CERS6: variants seen among roughly 807,000 people sequenced by gnomAD.
CERS6 encodes the protein ceramide synthase 6.
CERS6 carries 26 observed loss-of-function variants against 56.8 expected under a neutral mutation model. The ratio of observed to expected loss-of-function variants is 0.46; its 90% CI spans 0.34 to 0.63. CERS6 has a LOEUF of 0.63. Ranked by LOEUF, CERS6 falls within the 30% of genes least tolerant of loss-of-function variation. The pLI is 0.01. For missense variants in CERS6, 415 were observed against 467.5 expected (o/e 0.89, Z 1.04); for synonymous variants, 164 against 173.3 (o/e 0.95, Z 0.42).
At chr2:168,564,912 C>G (rs1186241649) in intron 3 of CERS6, among the ~76,000 whole-genome samples, 4 of 152,198 alleles carry the variant, frequency 2.6e-5, no homozygotes, top group Non-Finnish European at 4.4e-5. Context: ...CTTGTTCTTT[C>G]ATTTCTCAAC....
At chr2:168,630,543 G>A (rs1684691249) in intron 3 of CERS6, among the ~76,000 whole-genome samples, 1 of 152,078 alleles carries the variant, frequency 6.6e-6, no homozygotes, top group Admixed American at 6.6e-5. Flanking sequence ...GTTGTTAAAA[G>A]ACAAAGTGAA....
At chr2:168,762,705 T>C (rs1437775783) in intron 8 of CERS6, among the ~76,000 whole-genome samples, 1 of 152,222 alleles carries the variant, frequency 6.6e-6, no homozygotes, top group Non-Finnish European at 1.5e-5. Flanking sequence ...AACTCTATCC[T>C]ATTGTTTTTA....
At chr2:168,568,618 T>C (rs1395915568) in intron 3 of CERS6, among the ~76,000 whole-genome samples, 1 of 152,238 alleles carries the variant, frequency 6.6e-6, no homozygotes, top group African/African-American at 2.4e-5. Context: ...TTACACATCA[T>C]GTGTGTCTGT....
intron 2 of CERS6, among the ~76,000 whole-genome samples, chr2:168,549,275 A>G (rs779469789): frequency 1.3e-4 from 20 of 152,058 alleles, no homozygotes; most frequent in Non-Finnish European, 2.8e-4. Flanking sequence ...TGTTTTTTAC[A>G]GTTACTGGAG....
intron 1 of CERS6, among the ~76,000 whole-genome samples, chr2:168,479,969 T>G (rs779586774): frequency 6.6e-6 from 1 of 152,212 alleles, no homozygotes; most frequent in Non-Finnish European, 1.5e-5. Flanking sequence ...ACATTTGAAT[T>G]CTTCCACCAC....
chr2:168,563,463 A>G (rs1054014945), intron 3 of CERS6, among the ~76,000 whole-genome samples: 6 of 152,208 alleles, frequency 3.9e-5, no homozygotes, highest in Non-Finnish European at 7.3e-5. Flanking sequence ...ATAAGACATA[A>G]TATCTGAGTA....
At chr2:168,717,658 T>C (rs879606586) in intron 7 of CERS6, among the ~76,000 whole-genome samples, 4 of 152,178 alleles carry the variant, frequency 2.6e-5, no homozygotes, top group Non-Finnish European at 5.9e-5. Context: ...GGAATTCTAC[T>C]TATGGCTAAT....
chr2:168,512,329 C>T (rs1350879835), intron 1 of CERS6, among the ~76,000 whole-genome samples: 1 of 151,972 alleles, frequency 6.6e-6, no homozygotes, highest in African/African-American at 2.4e-5. Context: ...ATGGTTAATA[C>T]AGTAAATTTT....
chr2:168,637,093 C>T (rs1175668959), intron 4 of CERS6, among the ~76,000 whole-genome samples: 3 of 152,160 alleles, frequency 2.0e-5, no homozygotes, highest in African/African-American at 4.8e-5. Context: ...GAGCTGGTCC[C>T]ACCTCCTTGG....
chr2:168,708,875 C>T (rs1687022301), intron 6 of CERS6, among the ~76,000 whole-genome samples: 1 of 152,016 alleles, frequency 6.6e-6, no homozygotes, highest in Non-Finnish European at 1.5e-5. Flanking sequence ...TATTATCCAG[C>T]CAATGAGAAT....
intron 1 of CERS6, among the ~76,000 whole-genome samples, chr2:168,503,976 A>G (rs1694631631): frequency 6.6e-6 from 1 of 152,204 alleles, no homozygotes; most frequent in Non-Finnish European, 1.5e-5. Flanking sequence ...TTTAAGCCTA[A>G]AGGGGTTAAT....
chr2:168,512,187 A>T (rs1694801067), intron 1 of CERS6, among the ~76,000 whole-genome samples: 1 of 152,158 alleles, frequency 6.6e-6, no homozygotes, highest in South Asian at 2.1e-4. Context: ...AGGAGAGGAA[A>T]ATGGTTAGTT....
intron 3 of CERS6, among the ~76,000 whole-genome samples, chr2:168,618,239 A>G (rs1684366705): frequency 6.6e-6 from 1 of 152,336 alleles, no homozygotes; most frequent in South Asian, 2.1e-4. Context: ...CCTGAATGTA[A>G]GAAAAGCCAT....
intron 1 of CERS6, among the ~76,000 whole-genome samples, chr2:168,535,669 GTTTTTTT>G (rs59139047): frequency 2.6e-5 from 3 of 115,598 alleles, no homozygotes; most frequent in Non-Finnish European, 5.2e-5. Flanking sequence ...TTTGATACCA[GTTTTTTT>G]TTTTTTTTTT....
chr2:168,655,706 T>C (rs1685453257), intron 4 of CERS6, among the ~76,000 whole-genome samples: 1 of 151,884 alleles, frequency 6.6e-6, no homozygotes. Flanking sequence ...CAGCAGCGGG[T>C]AGGTGGGTAG....
chr2:168,649,916 C>T (rs1046203408), intron 4 of CERS6, among the ~76,000 whole-genome samples: 1 of 152,012 alleles, frequency 6.6e-6, no homozygotes, highest in Non-Finnish European at 1.5e-5. Context: ...AGGATGGTTC[C>T]TGGATATCAA....
chr2:168,676,859 T>A (rs1242773026), intron 4 of CERS6, among the ~76,000 whole-genome samples: 7 of 152,208 alleles, frequency 4.6e-5, no homozygotes, highest in African/African-American at 1.7e-4. Flanking sequence ...TCAAGGATAG[T>A]CATCAGTGAA....
At chr2:168,692,849 C>G (rs559028656) in intron 5 of CERS6, among the ~76,000 whole-genome samples, 15 of 151,988 alleles carry the variant, frequency 9.9e-5, no homozygotes, top group African/African-American at 3.6e-4. Flanking sequence ...TATATAGATT[C>G]CTGTTCCAAG....
chr2:168,519,678 C>T (rs1180329918), intron 1 of CERS6, among the ~76,000 whole-genome samples: 4 of 152,182 alleles, frequency 2.6e-5, no homozygotes, highest in South Asian at 2.1e-4. Context: ...GGATAATGCC[C>T]TCCAGCTACA....
Sources: allele counts gnomAD v4.1 joint callset (sites outside exome capture counted in the v4.1 genomes callset), GRCh38; gene constraint gnomAD v4.1.1; transcripts MANE v1.5; gene names NCBI Gene and HGNC (gene_info 2026-07-23, HGNC 2026-07-21).